Variants in NEU3 observed in about 807,000 individuals in gnomAD.
The protein encoded by NEU3 is sialidase-3.
Under a neutral mutation model 11.4 loss-of-function variants are expected in NEU3, and 10 were observed. The ratio of observed to expected loss-of-function variants is 0.88; its 90% CI spans 0.54 to 1.49. NEU3 has a LOEUF of 1.49. Ranked by LOEUF, NEU3 falls within the 40% of genes most tolerant of loss-of-function variation. The pLI is 0.00. For synonymous variants in NEU3, 212 were observed against 228.2 expected (o/e 0.93, Z 0.64); for missense variants, 529 against 581.8 (o/e 0.91, Z 0.93).
chr11:75,010,064 C>A lies in NEU3; in HGVS notation c.*3572C>A, dbSNP rs560601243. On this transcript the variant is annotated 3_prime_UTR_variant, in exon 3 of 3. Coordinates refer to ENST00000294064, the MANE Select transcript of NEU3 (RefSeq NM_006656.6). ...TTGAGTAGGCCATAATCCACCTCTT[C>A]AGTAGGCCATGCATCTTGTCTCTGC... is the stretch of plus-strand genomic sequence containing the variant. 4 of 152,334 alleles carry A rather than the reference C, an allele frequency of 2.6e-5. No homozygotes were observed. The East Asian group carries it at 7.7e-4, about 29-fold the overall frequency. 9.4% of individuals were successfully genotyped at this position (152,334 alleles called of 1,614,324 possible).
At chr11:74,994,448 A>C (rs745937654) in intron 1 of NEU3, 61 bp from the exon 2 acceptor site, 11 of 1,365,848 alleles carry the variant, frequency 8.1e-6, no homozygotes, top group Middle Eastern at 1.9e-4. Flanking sequence ...ATGAAGCAGA[A>C]TTTATATGCA....
chr11:75,012,283 G>C (rs972402269), downstream of NEU3, among the ~76,000 whole-genome samples: 3 of 152,176 alleles, frequency 2.0e-5, no homozygotes, highest in Non-Finnish European at 4.4e-5. Flanking sequence ...ACCTACTCCA[G>C]TCAACAAAGC....
chr11:75,018,182 C>T (rs1948988856), intron 3 of NEU3, among the ~76,000 whole-genome samples: 1 of 151,918 alleles, frequency 6.6e-6, no homozygotes, highest in South Asian at 2.1e-4. Context: ...CACCTCTTAG[C>T]TTATTGAGAG....
At chr11:75,002,556 A>C (rs1948856650) in intron 2 of NEU3, among the ~76,000 whole-genome samples, 1 of 152,238 alleles carries the variant, frequency 6.6e-6, no homozygotes, top group African/African-American at 2.4e-5. Flanking sequence ...CCCTTTTAAA[A>C]ACTTTTAAAA....
At chr11:75,001,998 G>A (rs1948849054) in intron 2 of NEU3, among the ~76,000 whole-genome samples, 1 of 152,182 alleles carries the variant, frequency 6.6e-6, no homozygotes, top group Non-Finnish European at 1.5e-5. Context: ...ACTGCGAGGG[G>A]ACTCTTCCGT....
At position 75,010,628 on chromosome 11, in the gene NEU3, G is replaced by A. The variant is rs10899054; in HGVS notation, c.*4136G>A. 0.23 allele frequency: 35,400 copies of A among 152,182 alleles called. 5,455 individuals are homozygous for A. The highest frequency in any genetic ancestry group is 0.54 in the East Asian group (2,764 of 5,164). 9.4% of individuals were successfully genotyped at this position (152,182 alleles called of 1,614,324 possible). A position where few individuals can be genotyped will look rare whatever the true frequency, so the allele number is the denominator to read the frequency against. ...TTTCCCAAGGATCACAGCCCAAAAG[G>A]CACAGTGGGGAAAATTTATGGCCTA... On this transcript the variant is annotated 3_prime_UTR_variant, in exon 3 of 3. Coordinates refer to ENST00000294064, the MANE Select transcript of NEU3 (RefSeq NM_006656.6).
At chr11:75,001,077 C>G (rs1168542620) in intron 2 of NEU3, among the ~76,000 whole-genome samples, 1 of 151,978 alleles carries the variant, frequency 6.6e-6, no homozygotes, top group Non-Finnish European at 1.5e-5. Flanking sequence ...TTCCTACCAA[C>G]AGTACACAGT....
upstream of NEU3, among the ~76,000 whole-genome samples, chr11:74,986,998 G>A (rs1225755293): frequency 6.6e-6 from 1 of 152,220 alleles, no homozygotes; most frequent in East Asian, 1.9e-4. Context: ...AGGTGGGAAA[G>A]TAGGAAGGGA....
upstream of NEU3, chr11:74,988,425 C>G (rs1024161211): frequency 1.0e-4 from 16 of 152,394 alleles, no homozygotes; most frequent in Non-Finnish European, 2.2e-4. Context: ...GCTTAAATTC[C>G]GGTACTGTGA....
At chr11:75,016,224 C>T (rs1273539142) in intron 3 of NEU3, among the ~76,000 whole-genome samples, 1 of 152,176 alleles carries the variant, frequency 6.6e-6, no homozygotes, top group East Asian at 1.9e-4. Flanking sequence ...CAGACAATAA[C>T]CTGACCCTAT....
chr11:75,000,206 C>A (rs892414375), intron 2 of NEU3, among the ~76,000 whole-genome samples: 1 of 152,038 alleles, frequency 6.6e-6, no homozygotes, highest in African/African-American at 2.4e-5. Context: ...GTCTTTTTCA[C>A]ATTTGTTATT....
In NEU3 at chr11:75,007,776, C is replaced by T. The variant is rs181646652; in HGVS notation, c.*1284C>T. On this transcript the variant is annotated 3_prime_UTR_variant, in exon 3 of 3. Transcript: ENST00000294064. ...TGGTTGTTCCTATCTTAGATTGTTTCTCCCATAGCCTGTTATTGCAACAGA... is the reference window on the plus strand; with the variant it reads ...TGGTTGTTCCTATCTTAGATTGTTTTTCCCATAGCCTGTTATTGCAACAGA... 8 of 152,262 alleles carry T rather than the reference C, an allele frequency of 5.3e-5. No individual in the cohort carries two copies. The highest frequency in any genetic ancestry group is 5.2e-4 in the Admixed American group (8 of 15,294). The allele number at this position is 152,262 out of a possible 1,614,324, so 9.4% of individuals were successfully genotyped here.
At chr11:74,994,977 G>A in intron 2 of NEU3, 1 of 626,548 alleles carries the variant, frequency 1.6e-6, no homozygotes, top group Non-Finnish European at 2.9e-6. Context: ...GACTCAGAGA[G>A]GTTGCCATTT....
At chr11:75,015,331 T>C (rs1304622046), downstream of NEU3, among the ~76,000 whole-genome samples, 1 of 152,214 alleles carries the variant, frequency 6.6e-6, no homozygotes, top group Non-Finnish European at 1.5e-5. Context: ...CTTATACTTT[T>C]CAGCCTCCAG....
In NEU3 at chr11:75,006,501, G is replaced by C; in HGVS notation, c.*9G>C. ...AATTCAAAAGCAATTAATTGGCTTAGGACCCAATTTCCATAGATGCAAATG... is the reference window on the plus strand; with the variant it reads ...AATTCAAAAGCAATTAATTGGCTTACGACCCAATTTCCATAGATGCAAATG... On this transcript the variant is annotated 3_prime_UTR_variant, in exon 3 of 3. Coordinates refer to ENST00000294064, the MANE Select transcript of NEU3 (RefSeq NM_006656.6). The C allele has an allele frequency of 6.3e-7, 1 of 1,595,246 alleles. No homozygotes were observed. Among genetic ancestry groups the C allele is most frequent in the Non-Finnish European group, 8.5e-7 (1 of 1,170,012 alleles).
downstream of NEU3, among the ~76,000 whole-genome samples, chr11:75,012,976 C>T (rs1400690886): frequency 1.3e-5 from 2 of 152,184 alleles, no homozygotes; most frequent in African/African-American, 2.4e-5. Context: ...GCTTTAATGG[C>T]TTTGTTAACC....
rs1948907056 is a variant in NEU3, at chr11:75,007,053, G to A, written c.*561G>A. 6.6e-6 allele frequency: 1 copy of A among 152,510 alleles called. No individual in the cohort carries two copies. Among genetic ancestry groups the A allele is most frequent in the African/African-American group, 2.4e-5 (1 of 41,358 alleles). The allele number at this position is 152,510 out of a possible 1,614,324, so 9.4% of individuals were successfully genotyped here. On this transcript the variant is annotated 3_prime_UTR_variant, in exon 3 of 3. Transcript: ENST00000294064. ...CTTTTAATAATGCTCAGTTCTGTAG[G>A]CTCTCTATCCTAGAGGAATTGAGCA...
intron 2 of NEU3, 74 bp downstream of exon 2, chr11:74,994,794 G>A (rs933996997): frequency 7.2e-6 from 10 of 1,381,828 alleles, no homozygotes; most frequent in Non-Finnish European, 9.2e-6. Context: ...CAGGATCTGT[G>A]CCTTTTCTCA....
chr11:74,996,738 T>C (rs1948793954), intron 2 of NEU3, among the ~76,000 whole-genome samples: 1 of 152,246 alleles, frequency 6.6e-6, no homozygotes, highest in Non-Finnish European at 1.5e-5. Context: ...TATAGTCTTA[T>C]GAAATATTTC....
Sources: allele counts gnomAD v4.1 joint callset (sites outside exome capture counted in the v4.1 genomes callset), GRCh38; gene constraint gnomAD v4.1.1; transcripts MANE v1.5; gene names NCBI Gene and HGNC (gene_info 2026-07-23, HGNC 2026-07-21).